The following ZNF521 variants were observed in gnomAD, a reference collection of about 807,000 sequenced individuals.
The protein encoded by ZNF521 is zinc finger protein 521.
In ZNF521, 14 loss-of-function variants were observed where a neutral mutation model predicts 105.5. That is an observed-to-expected ratio of 0.13 (90% CI 0.09 to 0.21). The LOEUF (loss-of-function observed/expected upper bound fraction) is 0.21. ZNF521 is among the 10% of genes least tolerant of loss of function. The probability of loss-of-function intolerance (pLI) is 1.00; values close to 1 mark genes in which losing one functional copy is unlikely to be tolerated. For missense variants in ZNF521, 1,233 were observed against 1,629.7 expected (o/e 0.76, Z 4.19); for synonymous variants, 635 against 606.0 (o/e 1.05, Z -0.70).
intron 7 of ZNF521, among the ~76,000 whole-genome samples, chr18:25,081,752 A>G (rs1431920889): frequency 1.8e-4 from 27 of 152,216 alleles, no homozygotes. Context: ...AAATAAAACT[A>G]TCTTACCTTT....
intron 3 of ZNF521, among the ~76,000 whole-genome samples, chr18:25,313,166 T>A (rs541125880): frequency 1.3e-5 from 2 of 152,260 alleles, no homozygotes; most frequent in South Asian, 4.1e-4. Context: ...TAAACAGTAC[T>A]CCAGTCAGCT....
In ZNF521 at chr18:25,295,085, CAA is replaced by C. The variant is rs538812937; in HGVS notation, c.220+26921_220+26922del. 4.6e-4 allele frequency among the ~76,000 whole-genome samples: 70 copies of C among 152,234 alleles called. 3 individuals carry two copies. In the East Asian group the frequency reaches 0.013, roughly 28 times the overall value. ...ACACTGTCAGCACCTAAAACGTCCT[CAA>C]GTGTCCCTCCTCATCACTACCCATT... On this transcript the variant is annotated intron_variant, in intron 3 of 7. Coordinates refer to ENST00000361524, the MANE Select transcript of ZNF521 (RefSeq NM_015461.3).
chr18:25,173,378 T>A (rs1376841748), intron 5 of ZNF521, among the ~76,000 whole-genome samples: 1 of 152,178 alleles, frequency 6.6e-6, no homozygotes, highest in East Asian at 1.9e-4. Flanking sequence ...CTTTTCCTCA[T>A]CACACATTCC....
At chr18:25,222,148 G>C (rs942034091) in intron 4 of ZNF521, among the ~76,000 whole-genome samples, 1 of 152,094 alleles carries the variant, frequency 6.6e-6, no homozygotes, top group East Asian at 1.9e-4. Context: ...GTACTCGACT[G>C]CATAGTCATT....
At chr18:25,108,445 T>A (rs2034117408) in intron 5 of ZNF521, among the ~76,000 whole-genome samples, 1 of 152,176 alleles carries the variant, frequency 6.6e-6, no homozygotes, top group Non-Finnish European at 1.5e-5. Context: ...TCTTATCTTT[T>A]TACTGCTTTT....
chr18:25,255,870 C>T (rs982365850), intron 3 of ZNF521, among the ~76,000 whole-genome samples: 3 of 151,146 alleles, frequency 2.0e-5, no homozygotes, highest in African/African-American at 7.3e-5. Context: ...TTCAGAAGAA[C>T]CAAGAGGCAG....
chr18:25,138,672 T>C (rs2034782976), intron 5 of ZNF521, among the ~76,000 whole-genome samples: 1 of 152,184 alleles, frequency 6.6e-6, no homozygotes, highest in African/African-American at 2.4e-5. Flanking sequence ...AGATCTTTCA[T>C]ACTTTTCAAA....
chr18:25,337,088 C>CTA (rs1452435201), intron 2 of ZNF521, among the ~76,000 whole-genome samples: 4 of 152,262 alleles, frequency 2.6e-5, no homozygotes, highest in African/African-American at 4.8e-5. Flanking sequence ...AACCACTACA[C>CTA]TATACTTCCC....
At chr18:25,129,893 C>T (rs1401832542) in intron 5 of ZNF521, among the ~76,000 whole-genome samples, 4 of 152,108 alleles carry the variant, frequency 2.6e-5, no homozygotes, top group African/African-American at 9.7e-5. Context: ...GGTGGGAATA[C>T]AAAATTATAC....
At chr18:25,105,114 G>A (rs1045853754) in intron 5 of ZNF521, among the ~76,000 whole-genome samples, 4 of 152,170 alleles carry the variant, frequency 2.6e-5, no homozygotes, top group Admixed American at 2.0e-4. Flanking sequence ...ATGTAGTTCA[G>A]TCTGAATCTT....
intron 2 of ZNF521, among the ~76,000 whole-genome samples, chr18:25,325,226 T>C (rs1913149643): frequency 6.6e-6 from 1 of 152,198 alleles, no homozygotes; most frequent in African/African-American, 2.4e-5. Flanking sequence ...TGTTTATTTG[T>C]GCTAGGGGTT....
intron 3 of ZNF521, among the ~76,000 whole-genome samples, chr18:25,238,206 T>C (rs1198558493): frequency 6.6e-6 from 1 of 152,216 alleles, no homozygotes; most frequent in Non-Finnish European, 1.5e-5. Context: ...TTTTTATGGG[T>C]AAATGAATAA....
rs1600059547 is a variant in ZNF521, at chr18:25,120,489, C to G, written c.3659-28408G>C. On this transcript the variant is annotated intron_variant, in intron 5 of 7. Coordinates refer to ENST00000361524, the MANE Select transcript of ZNF521 (RefSeq NM_015461.3). ...GTCCCAGCTACTTGGGAGGCTGAGGCAGGTGAATCACTTGAATCTGGAAGC... is the reference window on the plus strand; with the variant it reads ...GTCCCAGCTACTTGGGAGGCTGAGGGAGGTGAATCACTTGAATCTGGAAGC... Among the ~76,000 whole-genome samples, 3 of 151,602 alleles carry G rather than the reference C, an allele frequency of 2.0e-5. No homozygotes were observed. The East Asian group carries it at 6.0e-4, about 30-fold the overall frequency.
chr18:25,088,047 G>A (rs1438780014), intron 7 of ZNF521, among the ~76,000 whole-genome samples: 1 of 152,100 alleles, frequency 6.6e-6, no homozygotes, highest in African/African-American at 2.4e-5. Flanking sequence ...GAAGACTGAG[G>A]AGTGGGTGGG....
chr18:25,314,170 A>T (rs370227927), intron 3 of ZNF521, among the ~76,000 whole-genome samples: 1 of 152,184 alleles, frequency 6.6e-6, no homozygotes, highest in Non-Finnish European at 1.5e-5. Flanking sequence ...ATTTATTTCA[A>T]CTAATGGTTT....
In ZNF521 at chr18:25,224,452, G is replaced by A. The variant is rs1158179670; in HGVS notation, c.3466C>T (p.His1156Tyr). The change falls in exon 4 of 8, where the codon CAC becomes TAC. Residue 1156 changes from histidine (H) to tyrosine (Y), a missense_variant. Coordinates refer to ENST00000361524, the MANE Select transcript of ZNF521 (RefSeq NM_015461.3). ...AGCTCTCGGTGGATGGTTTGGATGT[G>A]GTTCTGGAGTTCACTTTCAGACTCA... is the stretch of plus-strand genomic sequence containing the variant. ...KFESESELQNHIQTIHRELVP... is the reference protein window; with the variant it reads ...KFESESELQNYIQTIHRELVP... 1 of 1,613,192 alleles carries A rather than the reference G, an allele frequency of 6.2e-7. No individual in the cohort carries two copies. Among genetic ancestry groups the A allele is most frequent in the Non-Finnish European group, 8.5e-7 (1 of 1,179,698 alleles).
At chr18:25,193,678 G>A (rs1469141491) in intron 5 of ZNF521, among the ~76,000 whole-genome samples, 1 of 151,872 alleles carries the variant, frequency 6.6e-6, no homozygotes, top group Non-Finnish European at 1.5e-5. Context: ...CAAACAGAAG[G>A]GAATTGCAAG....
chr18:25,233,582 C>T (rs1312736938), intron 3 of ZNF521, among the ~76,000 whole-genome samples: 1 of 151,432 alleles, frequency 6.6e-6, no homozygotes, highest in African/African-American at 2.4e-5. Context: ...ATAACAGCAG[C>T]TGTGAAGAGC....
At chr18:25,264,605 A>G (rs1909124101) in intron 3 of ZNF521, among the ~76,000 whole-genome samples, 2 of 152,226 alleles carry the variant, frequency 1.3e-5, no homozygotes, top group Admixed American at 1.3e-4. Flanking sequence ...TTGAAGAATT[A>G]CATTTTGTCA....
Sources: gnomAD v4.1 joint callset for allele counts (sites outside exome capture counted in the v4.1 genomes callset) on GRCh38, gnomAD v4.1.1 for gene constraint, MANE v1.5 for transcripts, NCBI Gene and HGNC (gene_info 2026-07-23, HGNC 2026-07-21) for gene names.